Variants in ANKHD1 observed in about 807,000 individuals in gnomAD.
ANKHD1 encodes the protein ankyrin repeat and KH domain containing 1, also known as ankyrin repeat and KH domain-containing protein 1.
ANKHD1 carries 31 observed loss-of-function variants against 230.5 expected under a neutral mutation model. That is an observed-to-expected ratio of 0.13 (90% CI 0.10 to 0.18). ANKHD1 has a LOEUF of 0.18. ANKHD1 is among the 10% of genes least tolerant of loss of function. ANKHD1 has a pLI of 1.00. For missense variants in ANKHD1, 2,256 were observed against 3,071.3 expected (o/e 0.73, Z 6.27); for synonymous variants, 1,074 against 1,117.6 (o/e 0.96, Z 0.78).
At position 140,502,881 on chromosome 5, in the gene ANKHD1, C is replaced by T. The variant is rs528631501; in HGVS notation, c.3005-1940C>T. On this transcript the variant is annotated intron_variant, in intron 15 of 33. Coordinates refer to ENST00000360839, the MANE Select transcript of ANKHD1 (RefSeq NM_017747.3). ...AAACAAACATATGTAATAATTATTCCTATTTGTAACTAAATAGTTAAATTA... is the reference window on the plus strand; with the variant it reads ...AAACAAACATATGTAATAATTATTCTTATTTGTAACTAAATAGTTAAATTA... Among the ~76,000 whole-genome samples the T allele has an allele frequency of 2.0e-5, 3 of 152,100 alleles. No homozygotes were observed. The East Asian group carries it at 5.8e-4, about 29-fold the overall frequency.
chr5:140,530,376 T>C (rs1391530854), intron 29 of ANKHD1, among the ~76,000 whole-genome samples: 1 of 152,074 alleles, frequency 6.6e-6, no homozygotes, highest in Non-Finnish European at 1.5e-5. Flanking sequence ...CATGCCCGGC[T>C]AATTTTTTGT....
chr5:140,537,253 TG>T, intron 30 of ANKHD1, 135 bp from the exon 31 acceptor site: 1 of 1,399,600 alleles, frequency 7.1e-7, no homozygotes, highest in Non-Finnish European at 9.4e-7. Context: ...ACTTATGTTG[TG>T]GAATAGATCT....
intron 32 of ANKHD1, 32 bp downstream of exon 32, chr5:140,538,293 G>T: frequency 1.2e-6 from 2 of 1,608,000 alleles, no homozygotes; most frequent in South Asian, 2.2e-5. Flanking sequence ...TAACTTGATT[G>T]ACACTTTGTC....
At chr5:140,414,931 A>G (rs1771234344) in intron 1 of ANKHD1, among the ~76,000 whole-genome samples, 1 of 152,178 alleles carries the variant, frequency 6.6e-6, no homozygotes, top group African/African-American at 2.4e-5. Context: ...CAGATACATA[A>G]TTAACAAATA....
chr5:140,498,354 T>G (rs1203618028), intron 15 of ANKHD1, among the ~76,000 whole-genome samples: 1 of 152,236 alleles, frequency 6.6e-6, no homozygotes, highest in Non-Finnish European at 1.5e-5. Flanking sequence ...CTGAATCTTT[T>G]TAAATGTGGA....
chr5:140,439,991 G>C (rs535056067), intron 3 of ANKHD1, 128 bp from the exon 4 acceptor site: 10 of 1,182,120 alleles, frequency 8.5e-6, no homozygotes, highest in Non-Finnish European at 6.6e-6. Flanking sequence ...CAAGTAATAT[G>C]TTCATATAAT....
Position 140,440,161 on chromosome 5 carries a change from T to C in ANKHD1, c.660T>C (p.Ala220=), listed in dbSNP as rs754355905. ...CTTGTTCAGATGGGGATGTTAATGC[T>C]GTTCGTAAATTGCTAGATGAAGGCA... is the stretch of plus-strand genomic sequence containing the variant. The part of the protein sequence containing the change: ...AEACSDGDVN[A]VRKLLDEGRS... Residue 220 remains alanine (A), a synonymous_variant, in exon 4 of 34, where the codon GCT becomes GCC. Coordinates refer to ENST00000360839, the MANE Select transcript of ANKHD1 (RefSeq NM_017747.3). The C allele has an allele frequency of 1.9e-6, 3 of 1,613,226 alleles. No homozygotes were observed. The highest frequency in any genetic ancestry group is 1.7e-6 in the Non-Finnish European group (2 of 1,179,554).
intron 1 of ANKHD1, among the ~76,000 whole-genome samples, chr5:140,428,462 T>TG (rs1286404663): frequency 6.6e-6 from 1 of 152,110 alleles, no homozygotes; most frequent in Admixed American, 6.5e-5. Context: ...AGCGAAACCC[T>TG]GCCTCCACCA....
chr5:140,435,676 G>A (rs1027865272), intron 1 of ANKHD1, among the ~76,000 whole-genome samples: 1 of 151,942 alleles, frequency 6.6e-6, no homozygotes, highest in African/African-American at 2.4e-5. Flanking sequence ...ACTGCGCCCA[G>A]CCCCTGCTTT....
intron 7 of ANKHD1, among the ~76,000 whole-genome samples, chr5:140,454,042 G>C (rs1376470484): frequency 6.6e-6 from 1 of 151,992 alleles, no homozygotes; most frequent in Admixed American, 6.6e-5. Flanking sequence ...ATGGAAAACA[G>C]AAAAAGGCAG....
intron 10 of ANKHD1, among the ~76,000 whole-genome samples, chr5:140,473,841 C>T (rs777234256): frequency 8.5e-5 from 13 of 152,156 alleles, no homozygotes; most frequent in Non-Finnish European, 4.4e-5. Flanking sequence ...GTAAATCTTT[C>T]TCTCTAGCTG....
intron 14 of ANKHD1, among the ~76,000 whole-genome samples, chr5:140,487,536 G>T (rs1347708936): frequency 6.6e-6 from 1 of 152,180 alleles, no homozygotes; most frequent in Non-Finnish European, 1.5e-5. Flanking sequence ...CTGTCACTAT[G>T]TGAACCTGGA....
In ANKHD1 at chr5:140,506,236, T is replaced by C. The variant is rs1054261961; in HGVS notation, c.3408+367T>C. Among the ~76,000 whole-genome samples, 1 of 152,116 alleles carries C rather than the reference T, an allele frequency of 6.6e-6. No homozygotes were observed. On this transcript the variant is annotated intron_variant, in intron 18 of 33. Coordinates refer to ENST00000360839, the MANE Select transcript of ANKHD1 (RefSeq NM_017747.3). This position sits in a 1 kb window ranked among gnomAD's most constrained non-coding sequence, Gnocchi z 4.7. ...CCAGCATGCCTGGCCCTGCACGTAT[T>C]TTAACATGTTCCATATACTTTCTGA...
intron 10 of ANKHD1, among the ~76,000 whole-genome samples, chr5:140,473,148 C>T (rs1433294670): frequency 6.6e-6 from 1 of 151,746 alleles, no homozygotes; most frequent in Non-Finnish European, 1.5e-5. Flanking sequence ...CCTGCCCCAG[C>T]CTCCCAAGTA....
intron 29 of ANKHD1, among the ~76,000 whole-genome samples, chr5:140,532,652 T>C (rs1194877360): frequency 6.6e-6 from 1 of 152,236 alleles, no homozygotes; most frequent in Non-Finnish European, 1.5e-5. Context: ...GATGTGGTCA[T>C]GAATGCACAA....
chr5:140,487,179 T>A lies in ANKHD1; in HGVS notation c.2245+119T>A, dbSNP rs915185816. 7 of 1,097,772 alleles carry A rather than the reference T, an allele frequency of 6.4e-6. No individual in the cohort carries two copies. The Admixed American group carries it at 1.7e-4, about 27-fold the overall frequency. The allele number at this position is 1,097,772 out of a possible 1,614,324, so 68.0% of individuals were successfully genotyped here. On this transcript the variant is annotated intron_variant, in intron 14 of 33. Coordinates refer to ENST00000360839, the MANE Select transcript of ANKHD1 (RefSeq NM_017747.3). ...CCCATGGCTAATTGAGGTAGATAAT[T>A]CTGACAAATGCAAATAGTCTTACTA...
At position 140,528,665 on chromosome 5, in the gene ANKHD1, C is replaced by T; in HGVS notation, c.5719C>T (p.His1907Tyr). The T allele has an allele frequency of 6.2e-7, 1 of 1,614,152 alleles. No homozygotes were observed. Among genetic ancestry groups the T allele is most frequent in the Non-Finnish European group, 8.5e-7 (1 of 1,180,026 alleles). Residue 1907 changes from histidine to tyrosine, a missense_variant, in exon 29 of 34, where the codon CAT becomes TAT. By Grantham distance (83) the His-to-Tyr change is moderately conservative. Coordinates refer to ENST00000360839, the MANE Select transcript of ANKHD1 (RefSeq NM_017747.3). ...NPGNTNSSPKHNNTSRLPNQN... is the reference protein window; with the variant it reads ...NPGNTNSSPKYNNTSRLPNQN... ...TGGCAACACAAATAGCTCTCCAAAG[C>T]ATAATAACACAAGCCGTCTACCTAA...
At chr5:140,508,738 AAG>A (rs1752640595) in intron 20 of ANKHD1, among the ~76,000 whole-genome samples, 1 of 150,544 alleles carries the variant, frequency 6.6e-6, no homozygotes, top group Non-Finnish European at 1.5e-5. Context: ...CCCGTGCAAC[AAG>A]AGAGAAACTC....
chr5:140,485,428 G>A lies in ANKHD1; in HGVS notation c.1999-161G>A, dbSNP rs563136882. ...CACACACACACACACACACACACACGTATGTATGTGTATATATATATAAAT... is the reference window on the plus strand; with the variant it reads ...CACACACACACACACACACACACACATATGTATGTGTATATATATATAAAT... On this transcript the variant is annotated intron_variant, in intron 12 of 33. Transcript: ENST00000360839. The surrounding 1 kb of genome is among the most constrained non-coding windows in gnomAD (Gnocchi z 4.8). 1.6e-3 allele frequency among the ~76,000 whole-genome samples: 61 copies of A among 38,296 alleles called. 1 individual carries two copies. In the South Asian group the frequency reaches 0.062, roughly 39 times the overall value. The allele number at this position is 38,296 out of a possible 152,430, so 25.1% of individuals were successfully genotyped here.
Sources: gnomAD v4.1 joint callset for allele counts (sites outside exome capture counted in the v4.1 genomes callset) on GRCh38, gnomAD v4.1.1 for gene constraint, Gnocchi (gnomAD v3.1) non-coding constraint, MANE v1.5 for transcripts, NCBI Gene and HGNC (gene_info 2026-07-23, HGNC 2026-07-21) for gene names.